Variants in ADAM33 observed in about 807,000 individuals in gnomAD.
The protein encoded by ADAM33 is ADAM metallopeptidase domain 33, also known as disintegrin and metalloproteinase domain-containing protein 33.
In ADAM33, 103 loss-of-function variants were observed where a neutral mutation model predicts 106.2. The ratio of observed to expected loss-of-function variants is 0.97; its 90% CI spans 0.83 to 1.14. The LOEUF (loss-of-function observed/expected upper bound fraction) is 1.14. Among genes scored for constraint, ADAM33 ranks in the 50% most tolerant of loss-of-function variants. The probability of loss-of-function intolerance (pLI) is 0.00; values close to 1 mark genes in which losing one functional copy is unlikely to be tolerated. For missense variants in ADAM33, 1,120 were observed against 1,096.6 expected (o/e 1.02, Z -0.30); for synonymous variants, 483 against 453.0 (o/e 1.07, Z -0.84).
intron 3 of ADAM33, among the ~76,000 whole-genome samples, chr20:3,676,362 G>A (rs1354529273): frequency 6.6e-6 from 1 of 151,860 alleles, no homozygotes; most frequent in Non-Finnish European, 1.5e-5. Flanking sequence ...AGGCAGGTCA[G>A]ACAAACTGCT....
chr20:3,679,713 G>C (rs1391015913), intron 1 of ADAM33, 142 bp from the exon 2 acceptor site: 1 of 662,400 alleles, frequency 1.5e-6, no homozygotes, highest in African/African-American at 1.8e-5. Flanking sequence ...ACACGCGTGG[G>C]CTCAGCCTGG....
intron 3 of ADAM33, among the ~76,000 whole-genome samples, chr20:3,676,431 T>C (rs1275767432): frequency 6.6e-6 from 1 of 151,380 alleles, no homozygotes; most frequent in African/African-American, 2.4e-5. Flanking sequence ...TTTTTTTTTC[T>C]TTTTCTTTTT....
rs140941914 is a variant in ADAM33, at chr20:3,671,697, C to T, written c.1789G>A (p.Val597Ile). The T allele has an allele frequency of 5.2e-5, 83 of 1,586,906 alleles. No individual in the cohort carries two copies. The highest frequency in any genetic ancestry group is 6.6e-5 in the Non-Finnish European group (77 of 1,166,308). ...GTCACTTCCTGGCCATCTAGGTGAACGGTAGAGTCCACTGGCACCATGTGC... is the reference window on the plus strand; with the variant it reads ...GTCACTTCCTGGCCATCTAGGTGAATGGTAGAGTCCACTGGCACCATGTGC... Reference protein sequence around the residue: ...APHMVPVDSTVHLDGQEVTCR... With the variant: ...APHMVPVDSTIHLDGQEVTCR... Residue 597 changes from valine to isoleucine, a missense_variant, in exon 16 of 22, where the codon GTT becomes ATT. By Grantham distance (29) the Val-to-Ile change is conservative. Transcript: ENST00000356518.
intron 2 of ADAM33, 138 bp downstream of exon 2, chr20:3,679,354 G>T: frequency 1.2e-6 from 1 of 806,630 alleles, no homozygotes. Flanking sequence ...TTGAGGGGCA[G>T]GGGAGGCAGG....
intron 3 of ADAM33, 52 bp downstream of exon 3, chr20:3,677,015 G>GC (rs774265516): frequency 3.2e-6 from 5 of 1,576,172 alleles, no homozygotes; most frequent in Admixed American, 3.4e-5. Flanking sequence ...GTCAGTCCCT[G>GC]CCCCCCAACA....
chr20:3,680,357 C>T (rs950108527), intron 1 of ADAM33, among the ~76,000 whole-genome samples: 1 of 152,166 alleles, frequency 6.6e-6, no homozygotes, highest in African/African-American at 2.4e-5. Flanking sequence ...TACCCAGTCC[C>T]AGCTCCCAGA....
intron 20 of ADAM33, 85 bp downstream of exon 20, chr20:3,669,461 G>C: frequency 1.3e-6 from 2 of 1,543,640 alleles, no homozygotes; most frequent in Non-Finnish European, 1.7e-6. Flanking sequence ...AAGGTGACTG[G>C]GTGCTGCCCA....
At chr20:3,676,369 T>A (rs2087954539) in intron 3 of ADAM33, among the ~76,000 whole-genome samples, 1 of 152,178 alleles carries the variant, frequency 6.6e-6, no homozygotes, top group African/African-American at 2.4e-5. Flanking sequence ...TCAGACAAAC[T>A]GCTGCCCCCA....
chr20:3,668,602 T>C lies in ADAM33; in HGVS notation c.*361A>G. 1 of 319,882 alleles carries C rather than the reference T, an allele frequency of 3.1e-6. No individual in the cohort carries two copies. Among genetic ancestry groups the C allele is most frequent in the Non-Finnish European group, 6.0e-6 (1 of 167,570 alleles). The allele number at this position is 319,882 out of a possible 1,614,324, so 19.8% of individuals were successfully genotyped here. ...CATGCCCTCCACAGAGCTGGGTCCG[T>C]GGAAATTGCATGTAGGAGACACACC... On this transcript the variant is annotated 3_prime_UTR_variant, in exon 22 of 22. Transcript: ENST00000356518.
chr20:3,678,666 G>A (rs942966916), intron 2 of ADAM33, among the ~76,000 whole-genome samples: 1 of 152,164 alleles, frequency 6.6e-6, no homozygotes, highest in African/African-American at 2.4e-5. Context: ...AAACAAAGAG[G>A]GCTCTCTAGG....
At position 3,679,514 on chromosome 20, in the gene ADAM33, C is replaced by T. The variant is rs537682740; in HGVS notation, c.155G>A (p.Arg52His). The T allele has an allele frequency of 3.2e-5, 51 of 1,609,786 alleles. No homozygotes were observed. The highest frequency in any genetic ancestry group is 8.9e-5 in the East Asian group (4 of 44,736). The change falls in exon 2 of 22, where the codon CGC becomes CAC. Residue 52 changes from arginine to histidine, a missense_variant. Arg to His is a conservative substitution (Grantham distance 29). Transcript: ENST00000356518. The stretch of plus-strand genomic sequence containing the variant: ...GACCGGCTCCTCCAGGCTGACGGTG[C>T]GCCAGGGTTGTCCATCCAGGACCCA... ...PHWVLDGQPWRTVSLEEPVSK... is the reference protein window; with the variant it reads ...PHWVLDGQPWHTVSLEEPVSK...
At position 3,674,692 on chromosome 20, in the gene ADAM33, C is replaced by T. The variant is rs1463725130; in HGVS notation, c.412G>A (p.Gly138Ser). The T allele has an allele frequency of 6.2e-7, 1 of 1,606,176 alleles. No individual in the cohort carries two copies. The highest frequency in any genetic ancestry group is 8.5e-7 in the Non-Finnish European group (1 of 1,176,506). Residue 138 changes from glycine (G) to serine (S), a missense_variant and splice_region_variant, in exon 6 of 22, where the codon GGC (glycine) becomes AGC (serine). By Grantham distance (56) the Gly-to-Ser change is moderately conservative. Transcript: ENST00000356518. ...GCATTCCTGCTGAGGGTGATCAGGC[C>T]ACTAGGGTGCAGAGGGGTAGGAGCG... is the stretch of plus-strand genomic sequence containing the variant. ...VVLCTCSGMS[G>S]LITLSRNASY...
rs2087833945 is a variant in ADAM33, at chr20:3,674,852, A to C, written c.334-3T>G. The C allele has an allele frequency of 6.2e-7, 1 of 1,609,470 alleles. No homozygotes were observed. Among genetic ancestry groups the C allele is most frequent in the Non-Finnish European group, 8.5e-7 (1 of 1,177,522 alleles). On this transcript the variant is annotated splice_region_variant and splice_polypyrimidine_tract_variant and intron_variant, in intron 4 of 21. Transcript: ENST00000356518. ...CGCCCTTGGTAGTGGCAATGATCCT[A>C]GGGAGGAAGGGGCCAGCCCCAAATC...
rs1314982288 is a variant in ADAM33 at position 3,671,007 on chromosome 20, C to T, written c.2239G>A (p.Gly747Ser). The T allele has an allele frequency of 1.3e-6, 2 of 1,546,922 alleles. No individual in the cohort carries two copies. Among genetic ancestry groups the T allele is most frequent in the Non-Finnish European group, 8.7e-7 (1 of 1,146,138 alleles). ...AGGAAGCAGGCGCTCGGAGCCTACCCACTGCACGCAGGGTCCCTTCTGCAG... is the reference window on the plus strand; with the variant it reads ...AGGAAGCAGGCGCTCGGAGCCTACCTACTGCACGCAGGGTCCCTTCTGCAG... ...WGCRRDPACSGPKDGPHRDHP... is the reference protein window; with the variant it reads ...WGCRRDPACSSPKDGPHRDHP... The change falls in exon 19 of 22, where the codon GGC becomes AGC. Residue 747 changes from glycine (G) to serine (S), a missense_variant and splice_region_variant. Transcript: ENST00000356518.
chr20:3,674,888 C>A lies in ADAM33; in HGVS notation c.334-39G>T, dbSNP rs781282532. ...GGCCAGCCCCAAATCTCAGCCAGGG[C>A]TGGAGCAAGAGGGGCAAGAGGGAGG... On this transcript the variant is annotated intron_variant, in intron 4 of 21. Coordinates refer to ENST00000356518, the MANE Select transcript of ADAM33 (RefSeq NM_025220.5). 19 of 1,607,934 alleles carry A rather than the reference C, an allele frequency of 1.2e-5. No homozygotes were observed. The South Asian group carries it at 2.0e-4, about 17-fold the overall frequency.
chr20:3,670,705 C>T (rs2087476623), intron 19 of ADAM33: 7 of 374,540 alleles, frequency 1.9e-5, no homozygotes, highest in Admixed American at 1.6e-4. Context: ...AAAAACAGGG[C>T]GAAGTCAAGG....
At chr20:3,681,509 G>A (rs1447838941) in intron 1 of ADAM33, among the ~76,000 whole-genome samples, 2 of 152,192 alleles carry the variant, frequency 1.3e-5, no homozygotes, top group African/African-American at 4.8e-5. Flanking sequence ...GCCCCGCTGA[G>A]TCCTAAGGGG....
At position 3,674,125 on chromosome 20, in the gene ADAM33, C is replaced by G. The variant is rs148489537; in HGVS notation, c.677G>C (p.Arg226Pro). ...TTTGGTGTGGTTCAAGTTTCGGTGC[C>G]GAGTCAAGAACTGGGAAGGCAGAAA... ...IVADHTLFLTRHRNLNHTKQR... is the reference protein window; with the variant it reads ...IVADHTLFLTPHRNLNHTKQR... The change falls in exon 8 of 22, where the codon CGG (arginine) becomes CCG (proline). Residue 226 changes from arginine to proline, a missense_variant. Transcript: ENST00000356518. The G allele has an allele frequency of 5.6e-6, 9 of 1,614,058 alleles. No homozygotes were observed. The highest frequency in any genetic ancestry group is 4.0e-5 in the African/African-American group (3 of 74,928).
intron 21 of ADAM33, 141 bp from the exon 22 acceptor site, chr20:3,669,141 C>T: frequency 8.2e-7 from 1 of 1,226,188 alleles, no homozygotes; most frequent in Non-Finnish European, 1.2e-6. Flanking sequence ...CCAGGGGCTT[C>T]CAGCATCCTG....
Sources: allele counts gnomAD v4.1 joint callset (sites outside exome capture counted in the v4.1 genomes callset), GRCh38; gene constraint gnomAD v4.1.1; transcripts MANE v1.5; gene names NCBI Gene and HGNC (gene_info 2026-07-23, HGNC 2026-07-21).